Variants in APP observed in about 807,000 individuals in gnomAD.
APP encodes the protein amyloid-beta precursor protein.
A neutral mutation model predicts 101.4 loss-of-function variants in APP; 31 were observed. The ratio of observed to expected loss-of-function variants is 0.31; its 90% CI spans 0.23 to 0.41. The LOEUF (loss-of-function observed/expected upper bound fraction) is 0.41, where lower values mean the gene tolerates loss of function less well. Among genes scored for constraint, APP ranks in the 10% least tolerant of loss-of-function variants. APP has a pLI of 1.00. For missense variants in APP, 839 were observed against 1,003.7 expected (o/e 0.84, Z 2.22); for synonymous variants, 366 against 364.4 (o/e 1.00, Z -0.05).
At chr21:25,970,044 A>C (rs2041972160) in intron 11 of APP, among the ~76,000 whole-genome samples, 1 of 151,888 alleles carries the variant, frequency 6.6e-6, no homozygotes, top group South Asian at 2.1e-4. Context: ...ATAAATAAAT[A>C]AATCCGAGTT....
intron 6 of APP, among the ~76,000 whole-genome samples, chr21:26,013,524 A>G (rs1439255724): frequency 6.6e-6 from 1 of 152,040 alleles, no homozygotes; most frequent in Non-Finnish European, 1.5e-5. Context: ...AAATATGAGA[A>G]AGACTAATAT....
At chr21:25,959,856 T>C (rs554097974) in intron 11 of APP, among the ~76,000 whole-genome samples, 2 of 152,334 alleles carry the variant, frequency 1.3e-5, no homozygotes, top group South Asian at 2.1e-4. Context: ...AGATGGGTAA[T>C]TAAATGGTGA....
chr21:25,915,594 T>G (rs934866472), intron 13 of APP, among the ~76,000 whole-genome samples: 7 of 152,268 alleles, frequency 4.6e-5, no homozygotes, highest in African/African-American at 7.2e-5. Context: ...TGTGGATTTG[T>G]AAGCTGACTT....
rs2062956493 is a variant in APP at position 26,137,967 on chromosome 21, G to GT, written c.58-25822dup. Among the ~76,000 whole-genome samples, 4 of 152,278 alleles carry GT rather than the reference G, an allele frequency of 2.6e-5. No individual in the cohort carries two copies. The South Asian group carries it at 8.3e-4, about 32-fold the overall frequency. On this transcript the variant is annotated intron_variant, in intron 1 of 17. Coordinates refer to ENST00000346798, the MANE Select transcript of APP (RefSeq NM_000484.4). Reference sequence around the variant, plus strand: ...CCTAGGAAACTCATCTTCTACTGCAGTAAGAAGGGTATCATAGGTATTTTT... The same window carrying GT: ...CCTAGGAAACTCATCTTCTACTGCAGTTAAGAAGGGTATCATAGGTATTTTT...
At chr21:26,021,757 G>A in intron 6 of APP, 83 bp downstream of exon 6, 1 of 1,562,758 alleles carries the variant, frequency 6.4e-7, no homozygotes, top group African/African-American at 1.4e-5. Context: ...GAAGGCAGTG[G>A]TGCTAGGGTG....
intron 13 of APP, among the ~76,000 whole-genome samples, chr21:25,938,213 T>C (rs1340596665): frequency 6.6e-6 from 1 of 152,144 alleles, no homozygotes; most frequent in Admixed American, 6.5e-5. Context: ...CCAAATAAAC[T>C]CTCTATGCAT....
chr21:26,102,085 T>TTC (rs1352141624), intron 2 of APP, among the ~76,000 whole-genome samples: 1 of 69,346 alleles, frequency 1.4e-5, no homozygotes, highest in African/African-American at 6.3e-5. Flanking sequence ...CTATGTGGTT[T>TTC]TTTTTTTTTT....
intron 9 of APP, among the ~76,000 whole-genome samples, chr21:25,979,364 G>T (rs1161559754): frequency 1.3e-5 from 2 of 152,172 alleles, no homozygotes; most frequent in African/African-American, 4.8e-5. Context: ...AGGCACAAAG[G>T]TATCAATTTC....
At chr21:25,935,600 G>A (rs1349309081) in intron 13 of APP, among the ~76,000 whole-genome samples, 2 of 152,072 alleles carry the variant, frequency 1.3e-5, no homozygotes, top group African/African-American at 4.8e-5. Flanking sequence ...CCAACACTTT[G>A]CGAGGCCGAG....
chr21:26,103,880 C>A (rs1357205147), intron 2 of APP, among the ~76,000 whole-genome samples: 1 of 152,206 alleles, frequency 6.6e-6, no homozygotes, highest in African/African-American at 2.4e-5. Context: ...GTCTGTAGGG[C>A]TTTTGCCTAC....
chr21:26,050,148 GA>G (rs907607967), intron 5 of APP, among the ~76,000 whole-genome samples: 1 of 149,492 alleles, frequency 6.7e-6, no homozygotes, highest in African/African-American at 2.5e-5. Flanking sequence ...GAAATTAAAA[GA>G]AAAAAAAACA....
Position 25,881,260 on chromosome 21 carries a change from G to C in APP, c.*410C>G, listed in dbSNP as rs558948870. Reference sequence around the variant, plus strand: ...GCAAGAGAAGCAGCTGAACTCCCACGTTCACATGAAGCATCCCCCATCGAT... The same window carrying C: ...GCAAGAGAAGCAGCTGAACTCCCACCTTCACATGAAGCATCCCCCATCGAT... On this transcript the variant is annotated 3_prime_UTR_variant, in exon 18 of 18. Coordinates refer to ENST00000346798, the MANE Select transcript of APP (RefSeq NM_000484.4). The C allele has an allele frequency of 7.9e-6, 2 of 253,480 alleles. No individual in the cohort carries two copies. The highest frequency in any genetic ancestry group is 1.0e-4 in the Admixed American group (2 of 19,702). 15.7% of individuals were successfully genotyped at this position (253,480 alleles called of 1,614,324 possible).
chr21:26,169,486 TC>T (rs955358556), intron 1 of APP: 10 of 152,974 alleles, frequency 6.5e-5, no homozygotes, highest in African/African-American at 2.4e-4. Flanking sequence ...CTCCCCACCA[TC>T]CGCCACTGCC....
chr21:26,035,915 A>G (rs1027202708), intron 5 of APP, among the ~76,000 whole-genome samples: 2 of 152,198 alleles, frequency 1.3e-5, no homozygotes, highest in Non-Finnish European at 2.9e-5. Flanking sequence ...GTTCTCAGCA[A>G]TAATCCCTAG....
chr21:26,046,365 A>G (rs576735558), intron 5 of APP, among the ~76,000 whole-genome samples: 28 of 151,664 alleles, frequency 1.8e-4, no homozygotes, highest in Non-Finnish European at 3.5e-4. Flanking sequence ...AGCCAAGATC[A>G]CACCACTGTA....
At chr21:25,995,845 T>A (rs1486785785) in intron 8 of APP, among the ~76,000 whole-genome samples, 1 of 152,232 alleles carries the variant, frequency 6.6e-6, no homozygotes, top group Non-Finnish European at 1.5e-5. Flanking sequence ...TAAAAAACTT[T>A]ATAGTTTAGG....
intron 1 of APP, among the ~76,000 whole-genome samples, chr21:26,133,613 C>T (rs1276670389): frequency 1.3e-5 from 2 of 152,068 alleles, no homozygotes; most frequent in African/African-American, 4.8e-5. Context: ...GGTGAAACCT[C>T]ATCTCTACTA....
intron 11 of APP, among the ~76,000 whole-genome samples, chr21:25,969,347 CAAAAAAA>C (rs60834302): frequency 1.8e-4 from 10 of 55,672 alleles, no homozygotes; most frequent in South Asian, 5.5e-4. Context: ...GACTCTGTCT[CAAAAAAA>C]AAAAAAAAAA....
chr21:25,937,032 G>C (rs2829987), intron 13 of APP, among the ~76,000 whole-genome samples: 138,723 of 152,090 alleles, frequency 0.91, 63,321 homozygotes, highest in Non-Finnish European at 0.92. Context: ...GAAAGCACAT[G>C]TGACAAATGG....
Sources: allele counts gnomAD v4.1 joint callset (sites outside exome capture counted in the v4.1 genomes callset), GRCh38; gene constraint gnomAD v4.1.1; transcripts MANE v1.5; gene names NCBI Gene and HGNC (gene_info 2026-07-23, HGNC 2026-07-21).